The following TRAPPC9 variants were observed in gnomAD, a reference collection of about 807,000 sequenced individuals.
TRAPPC9 encodes trafficking protein particle complex subunit 9, also known as IKK2 binding protein.
In TRAPPC9, 83 loss-of-function variants were observed where a neutral mutation model predicts 124.0. The observed-to-expected ratio is 0.67, with a 90% CI of 0.56 to 0.80. TRAPPC9 has a LOEUF of 0.80. Ranked by LOEUF, TRAPPC9 falls within the 30% of genes least tolerant of loss-of-function variation. The probability of loss-of-function intolerance (pLI) is 0.00; values close to 1 mark genes in which losing one functional copy is unlikely to be tolerated. For synonymous variants in TRAPPC9, 638 were observed against 617.5 expected (o/e 1.03, Z -0.49); for missense variants, 1,302 against 1,508.3 (o/e 0.86, Z 2.27).
intron 16 of TRAPPC9, among the ~76,000 whole-genome samples, chr8:140,223,522 G>GA (rs1357879250): frequency 1.3e-5 from 2 of 152,252 alleles, no homozygotes; most frequent in African/African-American, 4.8e-5. Context: ...CAGTTGTTGG[G>GA]AAAGAAAATT....
At chr8:140,325,332 C>G (rs1331828491) in intron 9 of TRAPPC9, among the ~76,000 whole-genome samples, 3 of 151,980 alleles carry the variant, frequency 2.0e-5, no homozygotes, top group Non-Finnish European at 1.5e-5. Context: ...AAGAAAATAA[C>G]TAATGAAATA....
At chr8:140,417,795 A>C (rs2069992775) in intron 5 of TRAPPC9, among the ~76,000 whole-genome samples, 1 of 152,240 alleles carries the variant, frequency 6.6e-6, no homozygotes, top group African/African-American at 2.4e-5. Context: ...ACAATAGCAA[A>C]GACTTGGAAC....
At chr8:139,758,320 C>T (rs946755633) in intron 21 of TRAPPC9, among the ~76,000 whole-genome samples, 8 of 152,164 alleles carry the variant, frequency 5.3e-5, no homozygotes, top group African/African-American at 1.7e-4. Flanking sequence ...ATGCCCACGT[C>T]GCGTGCTTTA....
chr8:140,426,729 T>A (rs535060846), intron 4 of TRAPPC9, 88 bp from the exon 5 acceptor site: 135 of 1,272,138 alleles, frequency 1.1e-4, no homozygotes, highest in Admixed American at 6.6e-4. Context: ...ATAATTCACA[T>A]AGCCTAGAGA....
intron 17 of TRAPPC9, among the ~76,000 whole-genome samples, chr8:140,157,147 T>TTTCCATTCAGAAGCCTCCC (rs1360716125): frequency 2.5e-4 from 14 of 56,550 alleles, no homozygotes; most frequent in South Asian, 5.5e-4. Context: ...GAAGCCTCCC[T>TTTCCATTCAGAAGCCTCCC]TTTCCATTCA....
chr8:139,982,521 G>A (rs1836979050), intron 19 of TRAPPC9, among the ~76,000 whole-genome samples: 3 of 152,210 alleles, frequency 2.0e-5, no homozygotes, highest in Admixed American at 2.0e-4. Flanking sequence ...TGGAAACAGG[G>A]TTCCGAATGT....
chr8:139,853,781 G>A (rs969606179), intron 21 of TRAPPC9, among the ~76,000 whole-genome samples: 1 of 152,158 alleles, frequency 6.6e-6, no homozygotes, highest in Non-Finnish European at 1.5e-5. Flanking sequence ...GGTAGAGCCG[G>A]GACAGAGGCC....
At chr8:140,225,756 T>C (rs1367010285) in intron 16 of TRAPPC9, among the ~76,000 whole-genome samples, 2 of 152,162 alleles carry the variant, frequency 1.3e-5, no homozygotes, top group East Asian at 3.9e-4. Flanking sequence ...AAGGGGTATT[T>C]TTGCCATCTC....
chr8:140,141,578 C>G (rs1485066207), intron 17 of TRAPPC9, among the ~76,000 whole-genome samples: 1 of 152,198 alleles, frequency 6.6e-6, no homozygotes, highest in Non-Finnish European at 1.5e-5. Flanking sequence ...TAAATCAGGA[C>G]TGCACCATGC....
intron 9 of TRAPPC9, among the ~76,000 whole-genome samples, chr8:140,326,912 T>G (rs543706668): frequency 6.6e-6 from 1 of 152,188 alleles, no homozygotes; most frequent in South Asian, 2.1e-4. Flanking sequence ...TATTACTTAT[T>G]TTCTCTTTTG....
chr8:139,840,959 G>C (rs1826688971), intron 21 of TRAPPC9, among the ~76,000 whole-genome samples: 1 of 152,194 alleles, frequency 6.6e-6, no homozygotes, highest in African/African-American at 2.4e-5. Context: ...GAGGTACAAA[G>C]GGATATGTTA....
intron 21 of TRAPPC9, among the ~76,000 whole-genome samples, chr8:139,753,835 T>C (rs1477218303): frequency 6.6e-6 from 1 of 152,222 alleles, no homozygotes; most frequent in Non-Finnish European, 1.5e-5. Context: ...CACATGATGC[T>C]GCTGGGCAAT....
intron 21 of TRAPPC9, among the ~76,000 whole-genome samples, chr8:139,806,902 AG>A (rs1228606086): frequency 1.3e-5 from 2 of 152,192 alleles, no homozygotes; most frequent in East Asian, 3.9e-4. Flanking sequence ...GGGGGTGTTA[AG>A]GAGAGTTGTC....
intron 19 of TRAPPC9, among the ~76,000 whole-genome samples, chr8:139,941,701 T>A (rs11989194): frequency 0.21 from 32,102 of 152,174 alleles, 3,630 homozygotes; most frequent in East Asian, 0.38. Flanking sequence ...GGCAAGCCAG[T>A]GCTCCCAAAC....
In TRAPPC9 at chr8:140,041,479, T is replaced by C. The variant is rs140246593; in HGVS notation, c.2557-17400A>G. Reference sequence around the variant, plus strand: ...AGGCTAAGAATCAAGTCAGTAACTTTGTTTTTCAACTGGGAAGCCCAAGGT... The same window carrying C: ...AGGCTAAGAATCAAGTCAGTAACTTCGTTTTTCAACTGGGAAGCCCAAGGT... On this transcript the variant is annotated intron_variant, in intron 17 of 22. Transcript: ENST00000438773. 8.0e-4 allele frequency among the ~76,000 whole-genome samples: 122 copies of C among 152,362 alleles called. 1 individual carries two copies. Among genetic ancestry groups the C allele is most frequent in the African/African-American group, 2.5e-3 (105 of 41,584 alleles).
At chr8:140,258,040 G>A (rs1022397689) in intron 15 of TRAPPC9, among the ~76,000 whole-genome samples, 6 of 152,224 alleles carry the variant, frequency 3.9e-5, no homozygotes, top group Admixed American at 6.5e-5. Flanking sequence ...GCCAGTGACC[G>A]CTCTCCCAGG....
chr8:139,895,197 A>G (rs1830588867), intron 20 of TRAPPC9, among the ~76,000 whole-genome samples: 2 of 152,204 alleles, frequency 1.3e-5, no homozygotes, highest in African/African-American at 4.8e-5. Context: ...TGGTAACAAT[A>G]TGGAAGTGGA....
At position 139,730,679 on chromosome 8, in the gene TRAPPC9, G is replaced by A. The variant is rs1021421830; in HGVS notation, c.*382C>T. On this transcript the variant is annotated 3_prime_UTR_variant, in exon 23 of 23. Transcript: ENST00000438773. ...TCACCATTTCTTTCTATGGCCAAAG[G>A]GAAGTCGCTGGACGAGGGAGGTCCC... 2.4e-5 allele frequency: 6 copies of A among 251,186 alleles called. No individual in the cohort carries two copies. In the East Asian group the frequency reaches 5.6e-4, roughly 23 times the overall value. 15.6% of individuals were successfully genotyped at this position (251,186 alleles called of 1,614,324 possible).
rs562607171 is a variant in TRAPPC9 at position 140,201,880 on chromosome 8, G to C, written c.2556+19579C>G. 2.0e-5 allele frequency among the ~76,000 whole-genome samples: 3 copies of C among 152,292 alleles called. No individual in the cohort carries two copies. The South Asian group carries it at 6.2e-4, about 32-fold the overall frequency. On this transcript the variant is annotated intron_variant, in intron 17 of 22. Coordinates refer to ENST00000438773, the MANE Select transcript of TRAPPC9 (RefSeq NM_001160372.4). ...AGCAGCAGTGCCGTGTCAGGCGAGA[G>C]GGAGCGAGAAGGCTCAGCTGGCCCT...
Sources: allele counts gnomAD v4.1 joint callset (sites outside exome capture counted in the v4.1 genomes callset), GRCh38; gene constraint gnomAD v4.1.1; transcripts MANE v1.5; gene names NCBI Gene and HGNC (gene_info 2026-07-23, HGNC 2026-07-21).